FCGR3B: variants seen among roughly 807,000 people sequenced by gnomAD.
FCGR3B encodes the protein low affinity immunoglobulin gamma Fc region receptor III-B.
In FCGR3B, 20 loss-of-function variants were observed where a neutral mutation model predicts 26.7. The ratio of observed to expected loss-of-function variants is 0.75; its 90% CI spans 0.53 to 1.09. The LOEUF is 1.09. Among genes scored for constraint, FCGR3B ranks in the 50% least tolerant of loss-of-function variants. The pLI is 0.00. For synonymous variants in FCGR3B, 79 were observed against 107.0 expected (o/e 0.74, Z 1.62); for missense variants, 191 against 279.7 (o/e 0.68, Z 2.26).
upstream of FCGR3B, chr1:161,631,249 T>C (rs1231296332): frequency 5.9e-6 from 9 of 1,532,502 alleles, no homozygotes; most frequent in Non-Finnish European, 8.0e-6. Flanking sequence ...ATCTGATTTC[T>C]CAATCTGAAG....
chr1:161,630,209 C>G, intron 2 of FCGR3B, 159 bp downstream of exon 2: 1 of 867,496 alleles, frequency 1.2e-6, no homozygotes, highest in Non-Finnish European at 1.8e-6. Flanking sequence ...GGAAAGCTGG[C>G]CAGAGAAGCA....
At chr1:161,627,938 G>A (rs879478806) in intron 3 of FCGR3B, among the ~76,000 whole-genome samples, 9 of 150,142 alleles carry the variant, frequency 6.0e-5, no homozygotes, top group African/African-American at 2.0e-4. Context: ...AAAGGACTGC[G>A]GGGCCGACTA....
At chr1:161,630,492 G>A (rs1340434462) in intron 1 of FCGR3B, 104 bp from the exon 2 acceptor site, 35 of 988,808 alleles carry the variant, frequency 3.5e-5, no homozygotes, top group Admixed American at 2.4e-4. Flanking sequence ...TGCCCCAGGA[G>A]CCCAATTTTC....
chr1:161,631,275 C>T (rs1159785172), upstream of FCGR3B: 5 of 1,439,818 alleles, frequency 3.5e-6, no homozygotes, highest in Non-Finnish European at 4.7e-6. Context: ...CAATGGAGCC[C>T]CACCATAGAA....
chr1:161,626,787 A>T (rs573933206), intron 3 of FCGR3B, among the ~76,000 whole-genome samples: 1 of 150,508 alleles, frequency 6.6e-6, no homozygotes, highest in East Asian at 1.9e-4. Flanking sequence ...GCATTTGAAA[A>T]TGATGAGTTG....
Position 161,629,843 on chromosome 1 carries a change from C to T in FCGR3B, c.254G>A (p.Gly85Glu), listed in dbSNP as rs752068936. 50 of 1,401,986 alleles carry T rather than the reference C, an allele frequency of 3.6e-5. 5 individuals carry two copies. Among genetic ancestry groups the T allele is most frequent in the Non-Finnish European group, 4.5e-5 (48 of 1,061,656 alleles). The allele number at this position is 1,401,986 out of a possible 1,614,324, so 86.8% of individuals were successfully genotyped here. A position where few individuals can be genotyped will look rare whatever the true frequency, so the allele number is the denominator to read the frequency against. ...FIDAATVNDS[G>E]EYRCQTNLST... ...GAGGTTTGTCTGGCACCTGTACTCTCCACTGTCGTTGACTGTGGCAGCGTC... is the reference window on the plus strand; with the variant it reads ...GAGGTTTGTCTGGCACCTGTACTCTTCACTGTCGTTGACTGTGGCAGCGTC... The change falls in exon 3 of 5, where the codon GGA (glycine) becomes GAA (glutamate). Residue 85 changes from glycine to glutamate, a missense_variant. Transcript: ENST00000650385.
In FCGR3B at chr1:161,624,344, A is replaced by G. The variant is rs911558282; in HGVS notation, c.*171T>C. Reference sequence around the variant, plus strand: ...GATAAAGGATCTGGCTCTGAGTTCTATGTTTCCTGCTGCTTGTAGAGAGGC... The same window carrying G: ...GATAAAGGATCTGGCTCTGAGTTCTGTGTTTCCTGCTGCTTGTAGAGAGGC... On this transcript the variant is annotated 3_prime_UTR_variant, in exon 5 of 5. Coordinates refer to ENST00000650385, the MANE Select transcript of FCGR3B (RefSeq NM_001244753.2). 1.0e-5 allele frequency: 8 copies of G among 772,386 alleles called. No individual in the cohort carries two copies. Among genetic ancestry groups the G allele is most frequent in the African/African-American group, 1.8e-5 (1 of 54,916 alleles). 47.8% of individuals were successfully genotyped at this position (772,386 alleles called of 1,614,324 possible).
At chr1:161,628,950 A>G (rs1283363983) in intron 3 of FCGR3B, among the ~76,000 whole-genome samples, 2 of 129,272 alleles carry the variant, frequency 1.5e-5, no homozygotes, top group African/African-American at 5.8e-5. Flanking sequence ...ATCTGCCTCT[A>G]TTGGAAGAGC....
Position 161,626,109 on chromosome 1 carries a change from G to T in FCGR3B, c.577+36C>A, listed in dbSNP as rs774982858. On this transcript the variant is annotated intron_variant, in intron 4 of 4. Coordinates refer to ENST00000650385, the MANE Select transcript of FCGR3B (RefSeq NM_001244753.2). ...GTGTGAGTGCAGGTTCCACACACAGGCGTCCCTGGGCATTCCAGGGTGGCA... is the reference window on the plus strand; with the variant it reads ...GTGTGAGTGCAGGTTCCACACACAGTCGTCCCTGGGCATTCCAGGGTGGCA... 25 of 1,597,166 alleles carry T rather than the reference G, an allele frequency of 1.6e-5. No individual in the cohort carries two copies. In the Admixed American group the frequency reaches 3.6e-4, roughly 23 times the overall value.
chr1:161,630,425 G>A (rs1679683095), intron 1 of FCGR3B, 37 bp from the exon 2 acceptor site: 1 of 1,594,694 alleles, frequency 6.3e-7, no homozygotes, highest in Non-Finnish European at 8.6e-7. Flanking sequence ...ATTGAGTAGG[G>A]GCAGAGATCA....
chr1:161,626,031 A>T, intron 4 of FCGR3B, 114 bp downstream of exon 4: 2 of 1,265,598 alleles, frequency 1.6e-6, no homozygotes, highest in Non-Finnish European at 2.2e-6. Context: ...AGGGAACCAC[A>T]TATGAAGAAG....
At chr1:161,631,378 C>T (rs1679744752), upstream of FCGR3B, 3 of 662,516 alleles carry the variant, frequency 4.5e-6, 1 homozygote, top group Non-Finnish European at 7.7e-6. Flanking sequence ...TGAGGACACA[C>T]ACAGAATCTG....
intron 1 of FCGR3B, 69 bp downstream of exon 1, chr1:161,630,986 T>A (rs1475127309): frequency 2.6e-6 from 4 of 1,519,494 alleles, no homozygotes; most frequent in African/African-American, 1.4e-5. Context: ...ATTCGTAGCC[T>A]GAAAAGGGGT....
rs71632957 is a variant in FCGR3B, at chr1:161,626,224, A to T, written c.498T>A (p.Asp166Glu). 6.4e-7 allele frequency: 1 copy of T among 1,570,722 alleles called. No individual in the cohort carries two copies. ...GCCCCCTGCAGAAGTAGGAGCCGCT[A>T]TCTTTGAGTGTGGCTTTTGGAATGT... ...DFHIPKATLK[D>E]SGSYFCRGLV... The change falls in exon 4 of 5, where the codon GAT becomes GAA. Residue 166 changes from aspartate to glutamate, a missense_variant. Physicochemically the swap from Asp to Glu is conservative, Grantham distance 45. This residue lies in a region of FCGR3B where 103 missense variants were observed against 114.5 expected (regional missense o/e 0.90). Coordinates refer to ENST00000650385, the MANE Select transcript of FCGR3B (RefSeq NM_001244753.2).
Position 161,629,896 on chromosome 1 carries a change from G to C in FCGR3B, c.201C>G (p.Ile67Met). 1 of 1,499,586 alleles carries C rather than the reference G, an allele frequency of 6.7e-7. No homozygotes were observed. The highest frequency in any genetic ancestry group is 8.8e-7 in the Non-Finnish European group (1 of 1,133,258). The allele number at this position is 1,499,586 out of a possible 1,614,324, so 92.9% of individuals were successfully genotyped here. ...STQWFHNENLISSQASSYFID... is the reference protein window; with the variant it reads ...STQWFHNENLMSSQASSYFID... The stretch of plus-strand genomic sequence containing the variant: ...TGAAGTAGCTCGAGGCCTGGCTTGA[G>C]ATGAGGTTCTCATTGTGAAACCACT... The change falls in exon 3 of 5, where the codon ATC (isoleucine) becomes ATG (methionine). Residue 67 changes from isoleucine to methionine, a missense_variant. Physicochemically the swap from Ile to Met is conservative, Grantham distance 10. Coordinates refer to ENST00000650385, the MANE Select transcript of FCGR3B (RefSeq NM_001244753.2).
intron 3 of FCGR3B, among the ~76,000 whole-genome samples, chr1:161,628,783 G>A (rs1224699193): frequency 1.4e-5 from 2 of 146,088 alleles, no homozygotes; most frequent in Admixed American, 1.4e-4. Context: ...GGTTTGCAGG[G>A]CGACACTGCA....
At chr1:161,627,899 T>C (rs1679541887) in intron 3 of FCGR3B, among the ~76,000 whole-genome samples, 1 of 149,954 alleles carries the variant, frequency 6.7e-6, no homozygotes, top group Non-Finnish European at 1.5e-5. Flanking sequence ...CACAATACAA[T>C]ATGACGAGTG....
At chr1:161,631,252 A>C (rs569000070), upstream of FCGR3B, 3 of 1,524,470 alleles carry the variant, frequency 2.0e-6, 1 homozygote, top group Non-Finnish European at 2.7e-6. Context: ...TGATTTCTCA[A>C]TCTGAAGTCT....
rs1165950040 is a variant in FCGR3B at position 161,627,680 on chromosome 1, G to C, written c.320-1278C>G. ...AAAGTCATGGTTAGTATATAGTCTGGTGGCCTTTGGAGGAACATTCTTGTT... is the reference window on the plus strand; with the variant it reads ...AAAGTCATGGTTAGTATATAGTCTGCTGGCCTTTGGAGGAACATTCTTGTT... On this transcript the variant is annotated intron_variant, in intron 3 of 4. Coordinates refer to ENST00000650385, the MANE Select transcript of FCGR3B (RefSeq NM_001244753.2). Among the ~76,000 whole-genome samples the C allele has an allele frequency of 1.3e-5, 2 of 150,178 alleles. 1 individual carries two copies. The highest frequency in any genetic ancestry group is 2.9e-5 in the Non-Finnish European group (2 of 67,798).
Sources: allele counts gnomAD v4.1 joint callset (sites outside exome capture counted in the v4.1 genomes callset), GRCh38; gene constraint gnomAD v4.1.1; regional missense constraint gnomAD v4.1.1; transcripts MANE v1.5; gene names NCBI Gene and HGNC (gene_info 2026-07-23, HGNC 2026-07-21).